Variants in TOGARAM2 observed in about 807,000 individuals in gnomAD.
TOGARAM2 encodes TOG array regulator of axonemal microtubules 2, also known as TOG array regulator of axonemal microtubules protein 2.
TOGARAM2 carries 85 observed loss-of-function variants against 93.3 expected under a neutral mutation model. The ratio of observed to expected loss-of-function variants is 0.91; its 90% CI spans 0.76 to 1.09. The LOEUF (loss-of-function observed/expected upper bound fraction) is 1.09. Ranked by LOEUF, TOGARAM2 falls within the 50% of genes least tolerant of loss-of-function variation. TOGARAM2 has a pLI of 0.00. For missense variants in TOGARAM2, 1,277 were observed against 1,334.5 expected, an observed-to-expected ratio of 0.96 and a Z score of 0.67; for synonymous variants, 593 against 552.8, an observed-to-expected ratio of 1.07 and a Z score of -1.02.
intron 14 of TOGARAM2, among the ~76,000 whole-genome samples, chr2:29,027,775 G>A (rs1665500440): frequency 2.0e-5 from 3 of 152,100 alleles, no homozygotes; most frequent in South Asian, 4.1e-4. Context: ...CATTTGAGTT[G>A]AGAGCTGAAC....
chr2:28,989,204 C>T lies in TOGARAM2; in HGVS notation c.-110-5521C>T, dbSNP rs149155303. ...AGGTAGGATTAAAGACTTGTGCTAC[C>T]ACACCCAGCTAATTTTTGTATTTTT... is the stretch of plus-strand genomic sequence containing the variant. On this transcript the variant is annotated intron_variant, in intron 1 of 19. Coordinates refer to ENST00000379558, the MANE Select transcript of TOGARAM2 (RefSeq NM_199280.4). 4.6e-5 allele frequency among the ~76,000 whole-genome samples: 7 copies of T among 152,140 alleles called. No homozygotes were observed. In the East Asian group the frequency reaches 1.4e-3, roughly 29 times the overall value.
At chr2:28,986,371 G>A (rs1457990726) in intron 1 of TOGARAM2, among the ~76,000 whole-genome samples, 2 of 152,082 alleles carry the variant, frequency 1.3e-5, no homozygotes, top group East Asian at 3.8e-4. Flanking sequence ...CCCCCAACCC[G>A]AGATACCCAC....
chr2:29,001,532 G>C (rs1473654252), intron 4 of TOGARAM2, among the ~76,000 whole-genome samples: 1 of 149,174 alleles, frequency 6.7e-6, no homozygotes, highest in Non-Finnish European at 1.5e-5. Context: ...ACCGAGTCTT[G>C]CTCTGTTGCC....
chr2:28,964,354 A>T (rs573904506), intron 1 of TOGARAM2, among the ~76,000 whole-genome samples: 9 of 150,742 alleles, frequency 6.0e-5, no homozygotes, highest in African/African-American at 2.0e-4. Context: ...TAATGTAGCC[A>T]CTCTGGTTTT....
intron 18 of TOGARAM2, among the ~76,000 whole-genome samples, chr2:29,038,793 G>A (rs1436495749): frequency 6.6e-6 from 1 of 152,166 alleles, no homozygotes; most frequent in Admixed American, 6.5e-5. Context: ...TGAAGCATGG[G>A]CTATCTGGGC....
chr2:28,994,138 A>C (rs1438839824), intron 1 of TOGARAM2, among the ~76,000 whole-genome samples: 1 of 152,242 alleles, frequency 6.6e-6, no homozygotes, highest in East Asian at 1.9e-4. Flanking sequence ...GCTGACCCAG[A>C]GGCTGAAGGG....
chr2:28,970,122 G>A (rs1412732410), intron 1 of TOGARAM2, among the ~76,000 whole-genome samples: 1 of 152,154 alleles, frequency 6.6e-6, no homozygotes, highest in Admixed American at 6.6e-5. Context: ...CGGTTGTCTT[G>A]TATACAATTC....
At chr2:29,002,888 G>A in intron 5 of TOGARAM2, 141 bp downstream of exon 5, 1 of 759,536 alleles carries the variant, frequency 1.3e-6, no homozygotes, top group Non-Finnish European at 2.1e-6. Flanking sequence ...AGTGAGGATA[G>A]GGACAGCACT....
intron 19 of TOGARAM2, chr2:29,046,045 A>G (rs1312091901): frequency 6.4e-6 from 1 of 157,152 alleles, no homozygotes; most frequent in African/African-American, 2.4e-5. Flanking sequence ...CAACTTTAGC[A>G]TGTGCAGCCT....
At chr2:29,030,357 G>T (rs1665692353) in intron 14 of TOGARAM2, among the ~76,000 whole-genome samples, 1 of 152,112 alleles carries the variant, frequency 6.6e-6, no homozygotes, top group Non-Finnish European at 1.5e-5. Context: ...AGTTTAGGGG[G>T]ACTGGAAGAA....
chr2:28,968,910 G>A (rs1411050986), intron 1 of TOGARAM2, among the ~76,000 whole-genome samples: 2 of 151,658 alleles, frequency 1.3e-5, no homozygotes, highest in Non-Finnish European at 2.9e-5. Flanking sequence ...TACCCTTAAA[G>A]GGTCCTTAAA....
At chr2:29,022,038 C>T (rs939498059) in intron 10 of TOGARAM2, 120 bp from the exon 11 acceptor site, 17 of 1,339,172 alleles carry the variant, frequency 1.3e-5, no homozygotes, top group Non-Finnish European at 1.8e-5. Flanking sequence ...TACACCCTCC[C>T]TGTTAGGTGG....
chr2:28,967,737 CA>C (rs1452929065), intron 1 of TOGARAM2, among the ~76,000 whole-genome samples: 1 of 149,198 alleles, frequency 6.7e-6, no homozygotes, highest in Non-Finnish European at 1.5e-5. Flanking sequence ...TCAATTTCCT[CA>C]TCTACAAAGC....
intron 6 of TOGARAM2, among the ~76,000 whole-genome samples, chr2:29,004,944 ATG>A (rs1314988437): frequency 0.011 from 1,281 of 117,666 alleles, 35 homozygotes; most frequent in African/African-American, 0.038. Flanking sequence ...ATGTGTGTGC[ATG>A]TGTGTGCATG....
intron 1 of TOGARAM2, among the ~76,000 whole-genome samples, chr2:28,982,496 A>G (rs1438948767): frequency 6.6e-6 from 1 of 152,130 alleles, no homozygotes; most frequent in Admixed American, 6.5e-5. Flanking sequence ...CTTCTCACCA[A>G]TGCCCTGCAG....
intron 6 of TOGARAM2, among the ~76,000 whole-genome samples, chr2:29,007,986 T>C (rs1295522281): frequency 6.6e-6 from 1 of 151,944 alleles, no homozygotes; most frequent in Non-Finnish European, 1.5e-5. Context: ...TACTCTCCCT[T>C]TAAAGGGCGG....
At chr2:29,045,123 CTCTT>C (rs1458758815) in intron 18 of TOGARAM2, among the ~76,000 whole-genome samples, 197 bp from the exon 19 acceptor site, 3 of 152,212 alleles carry the variant, frequency 2.0e-5, no homozygotes, top group African/African-American at 7.2e-5. Context: ...GCCAGTTTAA[CTCTT>C]TCAGGCCACT....
chr2:28,973,512 C>G lies in TOGARAM2; in HGVS notation c.-147+16815C>G, dbSNP rs56251674. Among the ~76,000 whole-genome samples the G allele has an allele frequency of 1.1e-4, 15 of 140,716 alleles. No individual in the cohort carries two copies. The Admixed American group carries it at 1.1e-3, about 10-fold the overall frequency. The allele number at this position is 140,716 out of a possible 152,430, so 92.3% of individuals were successfully genotyped here. On this transcript the variant is annotated intron_variant, in intron 1 of 6. Coordinates refer to the TOGARAM2 transcript ENST00000401723. Reference sequence around the variant, plus strand: ...TTCGTTCTTCTCCCTCCCTCCTTCCCTCCTTCCTGCCTTCCTGCCTTCTTT... The same window carrying G: ...TTCGTTCTTCTCCCTCCCTCCTTCCGTCCTTCCTGCCTTCCTGCCTTCTTT...
chr2:29,006,265 G>A (rs1429939322), intron 6 of TOGARAM2, among the ~76,000 whole-genome samples: 1 of 148,866 alleles, frequency 6.7e-6, no homozygotes, highest in Non-Finnish European at 1.5e-5. Flanking sequence ...CATGTGTGTG[G>A]AGTGTATATG....
Sources: allele counts gnomAD v4.1 joint callset (sites outside exome capture counted in the v4.1 genomes callset), GRCh38; gene constraint gnomAD v4.1.1; transcripts MANE v1.5; gene names NCBI Gene and HGNC (gene_info 2026-07-23, HGNC 2026-07-21).